Variants in ZNF385D observed in about 807,000 individuals in gnomAD.
ZNF385D encodes the protein zinc finger protein 385D.
ZNF385D carries 15 observed loss-of-function variants against 35.8 expected under a neutral mutation model. That is an observed-to-expected ratio of 0.42 (90% CI 0.28 to 0.64). The LOEUF (loss-of-function observed/expected upper bound fraction) is 0.64, where lower values mean the gene tolerates loss of function less well. ZNF385D is among the 30% of genes least tolerant of loss of function. ZNF385D has a pLI of 0.23. For synonymous variants in ZNF385D, 212 were observed against 186.8 expected (o/e 1.13, Z -1.10); for missense variants, 474 against 494.6 (o/e 0.96, Z 0.39).
At chr3:22,170,866 T>C (rs1694367909) in intron 2 of ZNF385D, among the ~76,000 whole-genome samples, 1 of 152,134 alleles carries the variant, frequency 6.6e-6, no homozygotes, top group Non-Finnish European at 1.5e-5. Flanking sequence ...TGTGCTAAAA[T>C]CACAATATGC....
chr3:21,806,650 T>C (rs980732269), intron 3 of ZNF385D, among the ~76,000 whole-genome samples: 1 of 152,218 alleles, frequency 6.6e-6, no homozygotes, highest in Non-Finnish European at 1.5e-5. Context: ...GGAGATTTTG[T>C]TGCCAGTACA....
intron 2 of ZNF385D, among the ~76,000 whole-genome samples, chr3:21,627,150 G>T (rs1293081410): frequency 6.6e-6 from 1 of 151,212 alleles, no homozygotes; most frequent in African/African-American, 2.4e-5. Flanking sequence ...TTTTAAATGA[G>T]ATGACATTAA....
chr3:21,482,835 C>A (rs1366807774), intron 4 of ZNF385D, among the ~76,000 whole-genome samples: 3 of 151,982 alleles, frequency 2.0e-5, no homozygotes, highest in Admixed American at 6.6e-5. Context: ...TTAATTTTTA[C>A]TTTGAAATAA....
Position 21,572,646 on chromosome 3 carries a change from G to C in ZNF385D, c.166-7962C>G, listed in dbSNP as rs547091805. Among the ~76,000 whole-genome samples, 3 of 152,236 alleles carry C rather than the reference G, an allele frequency of 2.0e-5. No individual in the cohort carries two copies. The South Asian group carries it at 6.2e-4, about 32-fold the overall frequency. On this transcript the variant is annotated intron_variant, in intron 2 of 7. Transcript: ENST00000281523. ...TTAAGAGTGTTTCAGGTAAAACTTA[G>C]ATTAAATAAATCTCGTTAACCTGTA...
intron 2 of ZNF385D, among the ~76,000 whole-genome samples, chr3:21,603,176 G>A (rs2064367816): frequency 6.6e-6 from 1 of 152,196 alleles, no homozygotes; most frequent in South Asian, 2.1e-4. Context: ...ATAATAAATG[G>A]CCTCTCTTAA....
At chr3:22,207,331 T>C (rs1446991156) in intron 2 of ZNF385D, among the ~76,000 whole-genome samples, 1 of 151,838 alleles carries the variant, frequency 6.6e-6, no homozygotes, top group Non-Finnish European at 1.5e-5. Context: ...AAGAGCATAT[T>C]ACACTGGGAA....
chr3:21,836,680 GTGT>G (rs1291088279), intron 3 of ZNF385D, among the ~76,000 whole-genome samples: 1 of 152,076 alleles, frequency 6.6e-6, no homozygotes, highest in East Asian at 1.9e-4. Context: ...GAGCACAGCT[GTGT>G]TCTCATAAAA....
At chr3:21,898,905 C>A (rs1699268305) in intron 3 of ZNF385D, among the ~76,000 whole-genome samples, 1 of 152,114 alleles carries the variant, frequency 6.6e-6, no homozygotes, top group Admixed American at 6.6e-5. Context: ...GAAAATCTTT[C>A]TGAGGACCCC....
At chr3:21,745,261 T>C (rs1575578483) in intron 1 of ZNF385D, among the ~76,000 whole-genome samples, 1 of 152,084 alleles carries the variant, frequency 6.6e-6, no homozygotes, top group Non-Finnish European at 1.5e-5. Context: ...AAATGTGATA[T>C]TACATGTGGG....
intron 3 of ZNF385D, among the ~76,000 whole-genome samples, chr3:21,870,726 C>G (rs1258097084): frequency 6.6e-6 from 1 of 151,992 alleles, no homozygotes; most frequent in Admixed American, 6.6e-5. Flanking sequence ...TGCGTGTGTG[C>G]GTGTATATGT....
chr3:21,750,775 C>A (rs1022252789), intron 1 of ZNF385D, 120 bp downstream of exon 1: 5 of 1,249,818 alleles, frequency 4.0e-6, no homozygotes, highest in Admixed American at 3.6e-5. Flanking sequence ...CCTCCAGTTG[C>A]CAACTGGAGG....
chr3:21,948,217 C>T (rs1375253970), intron 3 of ZNF385D, among the ~76,000 whole-genome samples: 1 of 151,526 alleles, frequency 6.6e-6, no homozygotes, highest in South Asian at 2.1e-4. Flanking sequence ...TCATAAATGG[C>T]CCTCATTTTT....
At chr3:22,137,771 G>C (rs1704244073) in intron 3 of ZNF385D, among the ~76,000 whole-genome samples, 1 of 152,074 alleles carries the variant, frequency 6.6e-6, no homozygotes, top group African/African-American at 2.4e-5. Context: ...AGACAGGGAT[G>C]CCCTCTCTCA....
At chr3:21,651,746 C>T (rs966521228) in intron 2 of ZNF385D, among the ~76,000 whole-genome samples, 1 of 152,108 alleles carries the variant, frequency 6.6e-6, no homozygotes, top group African/African-American at 2.4e-5. Flanking sequence ...GTCAACTCTT[C>T]CTAATACTCA....
At chr3:22,337,438 G>A (rs1695224021) in intron 2 of ZNF385D, among the ~76,000 whole-genome samples, 1 of 152,176 alleles carries the variant, frequency 6.6e-6, no homozygotes, top group Non-Finnish European at 1.5e-5. Flanking sequence ...AGAGGCAGAG[G>A]AGGGAGAATC....
chr3:21,975,328 T>A (rs1233861817), intron 3 of ZNF385D, among the ~76,000 whole-genome samples: 1 of 152,152 alleles, frequency 6.6e-6, no homozygotes. Flanking sequence ...TCCTATGTTC[T>A]CACTTATTGG....
intron 3 of ZNF385D, among the ~76,000 whole-genome samples, chr3:22,019,785 T>C (rs914861328): frequency 1.3e-5 from 2 of 151,716 alleles, no homozygotes; most frequent in Non-Finnish European, 2.9e-5. Flanking sequence ...TGGGGAAAAA[T>C]AAAAATGTGG....
At chr3:21,919,054 A>G (rs1700328002) in intron 3 of ZNF385D, among the ~76,000 whole-genome samples, 1 of 152,200 alleles carries the variant, frequency 6.6e-6, no homozygotes, top group African/African-American at 2.4e-5. Context: ...AGTATCGTGG[A>G]CATGGTCTTC....
At chr3:21,513,250 CCAAA>C (rs1474850241) in intron 3 of ZNF385D, among the ~76,000 whole-genome samples, 1 of 151,892 alleles carries the variant, frequency 6.6e-6, no homozygotes, top group African/African-American at 2.4e-5. Flanking sequence ...AACCCAAATA[CCAAA>C]CAAACAAAAA....
Sources: gnomAD v4.1 joint callset for allele counts (sites outside exome capture counted in the v4.1 genomes callset) on GRCh38, gnomAD v4.1.1 for gene constraint, MANE v1.5 for transcripts, NCBI Gene and HGNC (gene_info 2026-07-23, HGNC 2026-07-21) for gene names.